The following ANKLE2 variants were observed in gnomAD, a reference collection of about 807,000 sequenced individuals.
ANKLE2 encodes the protein ankyrin repeat and LEM domain-containing protein 2.
Under a neutral mutation model 84.2 loss-of-function variants are expected in ANKLE2, and 55 were observed. That is an observed-to-expected ratio of 0.65 (90% CI 0.53 to 0.82). ANKLE2 has a LOEUF of 0.82. ANKLE2 is among the 40% of genes least tolerant of loss of function. The probability of loss-of-function intolerance (pLI) is 0.00; values close to 1 mark genes in which losing one functional copy is unlikely to be tolerated. For synonymous variants in ANKLE2, 551 were observed against 486.1 expected (o/e 1.13, Z -1.76); for missense variants, 1,238 against 1,201.9 (o/e 1.03, Z -0.44).
chr12:132,761,832 C>T lies in ANKLE2; in HGVS notation c.-34G>A. On this transcript the variant is annotated 5_prime_UTR_variant, in exon 1 of 13. Coordinates refer to ENST00000357997, the MANE Select transcript of ANKLE2 (RefSeq NM_015114.3). ...CCCGGGCCGCAGCCGCCGAGAAGCCCGCGCCCCGCGCCGCGCCCGTCCCAG... is the reference window on the plus strand; with the variant it reads ...CCCGGGCCGCAGCCGCCGAGAAGCCTGCGCCCCGCGCCGCGCCCGTCCCAG... The T allele has an allele frequency of 1.0e-6, 1 of 987,998 alleles. No individual in the cohort carries two copies. Among genetic ancestry groups the T allele is most frequent in the Non-Finnish European group, 1.2e-6 (1 of 833,266 alleles). 61.2% of individuals were successfully genotyped at this position (987,998 alleles called of 1,614,324 possible). A position where few individuals can be genotyped will look rare whatever the true frequency, so the allele number is the denominator to read the frequency against.
In ANKLE2 at chr12:132,755,111, C is replaced by G; in HGVS notation, c.204G>C (p.Leu68=). 6.2e-7 allele frequency: 1 copy of G among 1,606,074 alleles called. No homozygotes were observed. The highest frequency in any genetic ancestry group is 8.5e-7 in the Non-Finnish European group (1 of 1,178,688). The part of the protein sequence containing the change: ...PASGEMTMDA[L]LARLKLLNPD... ...GATTCAGAAGTTTCAATCGAGCCAACAGAGCATCCATTGTCATTTCACCTA... is the reference window on the plus strand; with the variant it reads ...GATTCAGAAGTTTCAATCGAGCCAAGAGAGCATCCATTGTCATTTCACCTA... Residue 68 remains leucine, a synonymous_variant, in exon 2 of 13, where the codon CTG becomes CTC. Coordinates refer to ENST00000357997, the MANE Select transcript of ANKLE2 (RefSeq NM_015114.3).
In ANKLE2 at chr12:132,751,627, T is replaced by C. The variant is rs557802360; in HGVS notation, c.641-778A>G. Among the ~76,000 whole-genome samples the C allele has an allele frequency of 2.8e-5, 4 of 143,952 alleles. No homozygotes were observed. The South Asian group carries it at 6.8e-4, about 25-fold the overall frequency. The allele number at this position is 143,952 out of a possible 152,430, so 94.4% of individuals were successfully genotyped here. Reference sequence around the variant, plus strand: ...GTGTGATCTTGGCTCACTGCGACCATCATCTCCCAGGTCCAAGCGATTCTC... The same window carrying C: ...GTGTGATCTTGGCTCACTGCGACCACCATCTCCCAGGTCCAAGCGATTCTC... On this transcript the variant is annotated intron_variant, in intron 2 of 12. Transcript: ENST00000357997.
chr12:132,761,727 C>T lies in ANKLE2; in HGVS notation c.72G>A (p.Leu24=). ...LAWELLGASV[L]LIAVRWLVRR... Reference sequence around the variant, plus strand: ...GCACCAGCCACCGCACAGCGATCAGCAGCACCGAGGCGCCCAGCAGCTCCC... The same window carrying T: ...GCACCAGCCACCGCACAGCGATCAGTAGCACCGAGGCGCCCAGCAGCTCCC... The change falls in exon 1 of 13, where the codon CTG becomes CTA. Residue 24 remains leucine, a synonymous_variant. Coordinates refer to ENST00000357997, the MANE Select transcript of ANKLE2 (RefSeq NM_015114.3). The T allele has an allele frequency of 7.5e-7, 1 of 1,329,254 alleles. No homozygotes were observed. Among genetic ancestry groups the T allele is most frequent in the Non-Finnish European group, 9.7e-7 (1 of 1,031,932 alleles). 82.3% of individuals were successfully genotyped at this position (1,329,254 alleles called of 1,614,324 possible).
intron 10 of ANKLE2, among the ~76,000 whole-genome samples, chr12:132,733,149 T>C (rs1593143616): frequency 1.4e-5 from 2 of 144,216 alleles, no homozygotes; most frequent in African/African-American, 5.2e-5. Context: ...CGCGTCCTGG[T>C]GTCTGATATG....
intron 5 of ANKLE2, among the ~76,000 whole-genome samples, chr12:132,746,348 CAAA>C (rs566130639): frequency 1.4e-4 from 9 of 66,504 alleles, no homozygotes; most frequent in African/African-American, 2.2e-4. Flanking sequence ...GACTCTGTCT[CAAA>C]AAAAAAAAAA....
At chr12:132,731,770 C>G (rs2043851460) in intron 10 of ANKLE2, 1 of 152,224 alleles carries the variant, frequency 6.6e-6, no homozygotes, top group Non-Finnish European at 1.5e-5. Context: ...GGCCTGAGCT[C>G]CCGTGCCCGG....
chr12:132,727,943 A>G, intron 12 of ANKLE2, 89 bp downstream of exon 12: 1 of 1,510,194 alleles, frequency 6.6e-7, no homozygotes, highest in South Asian at 1.3e-5. Context: ...GGGAAAAGCC[A>G]CTGATAGGTT....
chr12:132,751,635 C>T lies in ANKLE2; in HGVS notation c.641-786G>A, dbSNP rs112543153. Among the ~76,000 whole-genome samples, 250 of 151,912 alleles carry T rather than the reference C, an allele frequency of 1.6e-3. 2 individuals are homozygous for T. The highest frequency in any genetic ancestry group is 5.8e-3 in the African/African-American group (239 of 41,418). On this transcript the variant is annotated intron_variant, in intron 2 of 12. Coordinates refer to ENST00000357997, the MANE Select transcript of ANKLE2 (RefSeq NM_015114.3). ...TTGGCTCACTGCGACCATCATCTCCCAGGTCCAAGCGATTCTCCCGTCTCA... is the reference window on the plus strand; with the variant it reads ...TTGGCTCACTGCGACCATCATCTCCTAGGTCCAAGCGATTCTCCCGTCTCA...
Position 132,727,376 on chromosome 12 carries a change from A to G in ANKLE2, c.2683T>C (p.Tyr895His). Residue 895 changes from tyrosine to histidine, a missense_variant, in exon 13 of 13, where the codon TAC becomes CAC. This residue lies in a region of ANKLE2 where 802 missense variants were observed against 774.5 expected (regional missense o/e 1.04). Transcript: ENST00000357997. ...GCCACGCTGTTTCTCCCCGGACTGT[A>G]GCTGTGAGGGCCACTGAGATCTGGC... is the stretch of plus-strand genomic sequence containing the variant. ...QLPDLSGPHS[Y>H]SPGRNSVAGS... The G allele has an allele frequency of 1.3e-6, 2 of 1,561,656 alleles. No individual in the cohort carries two copies. Among genetic ancestry groups the G allele is most frequent in the South Asian group, 2.4e-5 (2 of 84,730 alleles).
At position 132,743,739 on chromosome 12, in the gene ANKLE2, A is replaced by C. The variant is rs2044178580; in HGVS notation, c.1231-463T>G. ...GGAAAAATAATTGGCATTCTAGCAC[A>C]TACCCACTTCGTGCCAAGGCTTGAG... On this transcript the variant is annotated intron_variant, in intron 5 of 12. Coordinates refer to ENST00000357997, the MANE Select transcript of ANKLE2 (RefSeq NM_015114.3). This position sits in a 1 kb window ranked among gnomAD's most constrained non-coding sequence, Gnocchi z 4.1. Among the ~76,000 whole-genome samples, 1 of 152,158 alleles carries C rather than the reference A, an allele frequency of 6.6e-6. No individual in the cohort carries two copies.
At position 132,729,986 on chromosome 12, in the gene ANKLE2, G is replaced by A; in HGVS notation, c.2176C>T (p.Leu726=). The part of the protein sequence containing the change: ...PKAPRGEEAH[L]PPVSDLTVEF... Reference sequence around the variant, plus strand: ...ACAGTCAAATCCGAGACAGGTGGCAGATGGGCTTCCTCCCCACGGGGGGCC... The same window carrying A: ...ACAGTCAAATCCGAGACAGGTGGCAAATGGGCTTCCTCCCCACGGGGGGCC... Residue 726 remains leucine (L), a synonymous_variant, in exon 11 of 13, where the codon CTG becomes TTG. Coordinates refer to ENST00000357997, the MANE Select transcript of ANKLE2 (RefSeq NM_015114.3). 6.2e-7 allele frequency: 1 copy of A among 1,613,424 alleles called. No individual in the cohort carries two copies. The highest frequency in any genetic ancestry group is 8.5e-7 in the Non-Finnish European group (1 of 1,179,934).
At chr12:132,747,704 G>A (rs1284375385) in intron 5 of ANKLE2, 128 bp downstream of exon 5, 2 of 1,179,358 alleles carry the variant, frequency 1.7e-6, no homozygotes, top group Non-Finnish European at 2.3e-6. Context: ...AGGTTGCAGG[G>A]GTGTAATTGA....
chr12:132,753,376 G>C (rs991557240), intron 2 of ANKLE2, among the ~76,000 whole-genome samples: 1 of 152,000 alleles, frequency 6.6e-6, no homozygotes, highest in Non-Finnish European at 1.5e-5. Context: ...GTGTGTGCCT[G>C]TAATCTTAGC....
At chr12:132,733,120 TGC>T (rs2043923982) in intron 10 of ANKLE2, among the ~76,000 whole-genome samples, 1 of 139,822 alleles carries the variant, frequency 7.2e-6, no homozygotes, top group African/African-American at 2.7e-5. Context: ...GTGTCTGATA[TGC>T]ACCGTGTGAA....
chr12:132,728,004 G>C, intron 12 of ANKLE2, 28 bp downstream of exon 12: 1 of 1,577,872 alleles, frequency 6.3e-7, no homozygotes, highest in Non-Finnish European at 8.6e-7. Flanking sequence ...CTGCCCTGCG[G>C]GTGACAGGCT....
At chr12:132,761,254 G>A (rs2044617278) in intron 1 of ANKLE2, 1 of 190,412 alleles carries the variant, frequency 5.3e-6, no homozygotes, top group Non-Finnish European at 1.1e-5. Context: ...GGGACCCAGG[G>A]GTTTCCTCCC....
intron 5 of ANKLE2, among the ~76,000 whole-genome samples, chr12:132,744,639 A>AG (rs1384096810): frequency 6.6e-6 from 1 of 152,168 alleles, no homozygotes; most frequent in African/African-American, 2.4e-5. Flanking sequence ...CCTTCTGTCC[A>AG]GGGGCTGGCA....
At position 132,727,439 on chromosome 12, in the gene ANKLE2, G is replaced by C. The variant is rs867726228; in HGVS notation, c.2620C>G (p.Pro874Ala). 12 of 1,553,706 alleles carry C rather than the reference G, an allele frequency of 7.7e-6. No homozygotes were observed. The highest frequency in any genetic ancestry group is 1.0e-5 in the Non-Finnish European group (12 of 1,148,620). Residue 874 changes from proline to alanine, a missense_variant, in exon 13 of 13, where the codon CCC (proline) becomes GCC (alanine). By Grantham distance (27) the Pro-to-Ala change is conservative (BLOSUM62 -1). Transcript: ENST00000357997. ...CYSPSDRQSW[P>A]SPAVKGRFKS... ...AACCTTCCTTTCACCGCGGGACTGG[G>C]CCAACTGCGGAAAGCAAGAAAGAAC...
chr12:132,733,472 G>A lies in ANKLE2; in HGVS notation c.1891+913C>T, dbSNP rs984214902. ...TGCTGGTGTCTGATATACCCCGTGT[G>A]AAGCACTGCGCGTCCTGGTGTCTGA... On this transcript the variant is annotated intron_variant, in intron 10 of 12. Transcript: ENST00000357997. 2.7e-5 allele frequency among the ~76,000 whole-genome samples: 4 copies of A among 147,088 alleles called. 1 individual carries two copies. The highest frequency in any genetic ancestry group is 1.0e-4 in the African/African-American group (4 of 39,068).
Sources: allele counts gnomAD v4.1 joint callset (sites outside exome capture counted in the v4.1 genomes callset), GRCh38; gene constraint gnomAD v4.1.1; regional missense constraint gnomAD v4.1.1; non-coding constraint Gnocchi (gnomAD v3.1); transcripts MANE v1.5; gene names NCBI Gene and HGNC (gene_info 2026-07-23, HGNC 2026-07-21).